Variants in ARSB observed in about 807,000 individuals in gnomAD.
The protein encoded by ARSB is N-acetylgalactosamine-4-sulfatase.
In ARSB, 41 loss-of-function variants were observed where a neutral mutation model predicts 50.9. The observed-to-expected ratio is 0.81, with a 90% CI of 0.63 to 1.04. The LOEUF is 1.04. Among genes scored for constraint, ARSB ranks in the 50% least tolerant of loss-of-function variants. The probability of loss-of-function intolerance (pLI) is 0.00; values close to 1 mark genes in which losing one functional copy is unlikely to be tolerated. For missense variants in ARSB, 672 were observed against 693.3 expected (o/e 0.97, Z 0.35); for synonymous variants, 269 against 284.8 (o/e 0.94, Z 0.56).
At chr5:78,946,078 A>T (rs1282354359) in intron 4 of ARSB, among the ~76,000 whole-genome samples, 1 of 152,234 alleles carries the variant, frequency 6.6e-6, no homozygotes, top group Non-Finnish European at 1.5e-5. Flanking sequence ...TGAATAAATG[A>T]ATGGTCAATC....
intron 3 of ARSB, 144 bp from the exon 4 acceptor site, chr5:78,955,646 TATG>T: frequency 1.4e-6 from 1 of 737,460 alleles, no homozygotes; most frequent in Non-Finnish European, 2.4e-6. Context: ...GAATCACATG[TATG>T]ATAAGGGACT....
intron 4 of ARSB, among the ~76,000 whole-genome samples, chr5:78,933,285 C>T (rs1055513435): frequency 2.0e-5 from 3 of 152,130 alleles, no homozygotes; most frequent in African/African-American, 4.8e-5. Flanking sequence ...CAGCTTCCTA[C>T]GTATTTTTCT....
In ARSB at chr5:78,809,644, C is replaced by T. The variant is rs546389659; in HGVS notation, c.1214-27670G>A. On this transcript the variant is annotated intron_variant, in intron 6 of 7. Transcript: ENST00000264914. ...TCAGGCTGAGGGCCGCCAGAGCCTG[C>T]GGCCAGGCCTAACACTAGGCAGAGA... Among the ~76,000 whole-genome samples, 420 of 152,366 alleles carry T rather than the reference C, an allele frequency of 2.8e-3. 3 individuals are homozygous for T. The highest frequency in any genetic ancestry group is 4.8e-3 in the Non-Finnish European group (327 of 68,034).
chr5:78,874,353 G>A (rs535420196), intron 5 of ARSB, among the ~76,000 whole-genome samples: 1 of 152,236 alleles, frequency 6.6e-6, no homozygotes, highest in African/African-American at 2.4e-5. Context: ...TACATGCTCT[G>A]ATACAGTAGG....
At chr5:78,920,742 A>C (rs1228900860) in intron 4 of ARSB, among the ~76,000 whole-genome samples, 1 of 152,130 alleles carries the variant, frequency 6.6e-6, no homozygotes, top group Non-Finnish European at 1.5e-5. Context: ...TCAGCTCCTC[A>C]TAGATCACCA....
At chr5:78,797,842 T>C (rs1355523006) in intron 6 of ARSB, among the ~76,000 whole-genome samples, 1 of 152,026 alleles carries the variant, frequency 6.6e-6, no homozygotes, top group Non-Finnish European at 1.5e-5. Context: ...GGAAAAAATA[T>C]ATGGACTGAG....
chr5:78,797,872 T>C (rs1743238823), intron 6 of ARSB, among the ~76,000 whole-genome samples: 3 of 152,058 alleles, frequency 2.0e-5, no homozygotes, highest in African/African-American at 7.3e-5. Context: ...GGGAGGAGGA[T>C]GGAATTCTGG....
intron 4 of ARSB, among the ~76,000 whole-genome samples, chr5:78,953,247 A>G (rs994061071): frequency 6.6e-6 from 1 of 152,252 alleles, no homozygotes; most frequent in Non-Finnish European, 1.5e-5. Flanking sequence ...ATTGCAGCAC[A>G]CCATATGGAA....
intron 4 of ARSB, among the ~76,000 whole-genome samples, chr5:78,895,798 C>T (rs1360205275): frequency 6.6e-6 from 1 of 152,198 alleles, no homozygotes; most frequent in African/African-American, 2.4e-5. Flanking sequence ...AATGGATAGT[C>T]AGCAGGTGGA....
intron 4 of ARSB, among the ~76,000 whole-genome samples, chr5:78,888,386 G>C (rs560076460): frequency 6.6e-6 from 1 of 152,154 alleles, no homozygotes; most frequent in Non-Finnish European, 1.5e-5. Flanking sequence ...CTTAGAAGAA[G>C]GTGCTATTCA....
At chr5:78,807,511 A>C (rs187882940) in intron 6 of ARSB, among the ~76,000 whole-genome samples, 3 of 152,330 alleles carry the variant, frequency 2.0e-5, no homozygotes, top group African/African-American at 7.2e-5. Flanking sequence ...GGCAAGGAGC[A>C]CTTCAAGGGA....
intron 6 of ARSB, among the ~76,000 whole-genome samples, chr5:78,790,205 C>T (rs1284068615): frequency 6.6e-6 from 1 of 152,122 alleles, no homozygotes; most frequent in East Asian, 1.9e-4. Context: ...AGCCCTTCTC[C>T]AGGAGGCCAT....
At chr5:78,837,066 G>T (rs1293368839) in intron 6 of ARSB, among the ~76,000 whole-genome samples, 1 of 152,172 alleles carries the variant, frequency 6.6e-6, no homozygotes, top group African/African-American at 2.4e-5. Context: ...TCCAGCATGG[G>T]GGATTACAAT....
At chr5:78,888,614 C>T (rs1049138787) in intron 4 of ARSB, among the ~76,000 whole-genome samples, 26 of 152,024 alleles carry the variant, frequency 1.7e-4, no homozygotes, top group Non-Finnish European at 2.9e-4. Context: ...TAGTGCTCAA[C>T]GGAAAGTATT....
At chr5:78,867,458 C>A (rs1407467557) in intron 5 of ARSB, among the ~76,000 whole-genome samples, 3 of 152,222 alleles carry the variant, frequency 2.0e-5, no homozygotes, top group Admixed American at 6.5e-5. Flanking sequence ...TCCCAGCACG[C>A]AGCTGGAGAT....
intron 6 of ARSB, among the ~76,000 whole-genome samples, chr5:78,813,568 G>C (rs1055262688): frequency 6.6e-6 from 1 of 151,946 alleles, no homozygotes; most frequent in Non-Finnish European, 1.5e-5. Context: ...GACCAGCCTG[G>C]GCAGCAAAGT....
chr5:78,873,716 C>T (rs1456006886), intron 5 of ARSB, among the ~76,000 whole-genome samples: 3 of 151,540 alleles, frequency 2.0e-5, no homozygotes, highest in East Asian at 1.9e-4. Context: ...GGGATGGTCT[C>T]GATCTCCTGA....
chr5:78,888,323 C>G (rs547266469), intron 4 of ARSB, among the ~76,000 whole-genome samples: 2 of 152,192 alleles, frequency 1.3e-5, no homozygotes, highest in East Asian at 3.8e-4. Context: ...GAAATTCCTC[C>G]ATGTTCATGA....
intron 4 of ARSB, among the ~76,000 whole-genome samples, chr5:78,937,286 T>TATATATATCATATATATGTAAG (rs1391927360): frequency 2.9e-5 from 3 of 103,536 alleles, no homozygotes; most frequent in Non-Finnish European, 4.3e-5. Context: ...ATATGTAAGA[T>TATATATATCATATATATGTAAG]ATATATATGT....
Sources: allele counts gnomAD v4.1 joint callset (sites outside exome capture counted in the v4.1 genomes callset), GRCh38; gene constraint gnomAD v4.1.1; transcripts MANE v1.5; gene names NCBI Gene and HGNC (gene_info 2026-07-23, HGNC 2026-07-21).